The following LDLRAD4 variants were observed in gnomAD, a reference collection of about 807,000 sequenced individuals.
LDLRAD4 encodes the protein low density lipoprotein receptor class A domain containing 4, also known as low-density lipoprotein receptor class A domain-containing protein 4.
Under a neutral mutation model 17.0 loss-of-function variants are expected in LDLRAD4, and 5 were observed. The ratio of observed to expected loss-of-function variants is 0.29; its 90% confidence interval spans 0.15 to 0.62. The LOEUF is 0.62. Ranked by LOEUF, LDLRAD4 falls within the 20% of genes least tolerant of loss-of-function variation. LDLRAD4 has a pLI of 0.84. For synonymous variants in LDLRAD4, 168 were observed against 171.8 expected (o/e 0.98, Z 0.17); for missense variants, 340 against 424.7 (o/e 0.80, Z 1.75).
chr18:13,450,393 A>C (rs1404908945), intron 3 of LDLRAD4, among the ~76,000 whole-genome samples: 2 of 145,832 alleles, frequency 1.4e-5, no homozygotes, highest in African/African-American at 5.0e-5. Context: ...TTGAAGGAGA[A>C]ATAGTTGTTG....
At chr18:13,394,882 A>G (rs1290251579) in intron 2 of LDLRAD4, among the ~76,000 whole-genome samples, 1 of 152,254 alleles carries the variant, frequency 6.6e-6, no homozygotes, top group Non-Finnish European at 1.5e-5. Flanking sequence ...CTCTGGAGAA[A>G]TCAAACATGT....
At chr18:13,624,832 C>T (rs1334163415) in intron 4 of LDLRAD4, among the ~76,000 whole-genome samples, 1 of 152,214 alleles carries the variant, frequency 6.6e-6, no homozygotes, top group Non-Finnish European at 1.5e-5. Context: ...TCCTCTGTCT[C>T]CTGGGCTCCC....
chr18:13,492,649 C>A (rs999776388), intron 3 of LDLRAD4, among the ~76,000 whole-genome samples: 4 of 152,240 alleles, frequency 2.6e-5, no homozygotes, highest in Non-Finnish European at 5.9e-5. Context: ...GCAGGTGTCC[C>A]AGGGCCTTAG....
At chr18:13,431,389 C>T (rs2090324788) in intron 2 of LDLRAD4, among the ~76,000 whole-genome samples, 1 of 152,168 alleles carries the variant, frequency 6.6e-6, no homozygotes, top group Non-Finnish European at 1.5e-5. Context: ...CAAATTCATT[C>T]ATTCATTGGT....
At chr18:13,358,307 G>A (rs576965536) in intron 1 of LDLRAD4, among the ~76,000 whole-genome samples, 4 of 151,854 alleles carry the variant, frequency 2.6e-5, no homozygotes, top group Non-Finnish European at 5.9e-5. Flanking sequence ...TCTGTTTATC[G>A]ATATAGATAT....
chr18:13,429,514 A>G (rs1287933542), intron 2 of LDLRAD4, among the ~76,000 whole-genome samples: 1 of 152,248 alleles, frequency 6.6e-6, no homozygotes, highest in African/African-American at 2.4e-5. Flanking sequence ...GTTACCTGTC[A>G]TTTGAATGTT....
At chr18:13,221,382 T>G (rs2041446315) in intron 1 of LDLRAD4, among the ~76,000 whole-genome samples, 1 of 152,258 alleles carries the variant, frequency 6.6e-6, no homozygotes, top group Non-Finnish European at 1.5e-5. Flanking sequence ...CATTATTTTC[T>G]GATGTCAAAG....
intron 3 of LDLRAD4, among the ~76,000 whole-genome samples, chr18:13,458,077 T>C (rs2092238142): frequency 6.6e-6 from 1 of 152,170 alleles, no homozygotes; most frequent in Non-Finnish European, 1.5e-5. Flanking sequence ...CATTTCTTGC[T>C]GAAAAGTGTG....
At chr18:13,608,563 G>C (rs2095247093) in intron 3 of LDLRAD4, among the ~76,000 whole-genome samples, 2 of 152,208 alleles carry the variant, frequency 1.3e-5, no homozygotes, top group Non-Finnish European at 2.9e-5. Context: ...GGCTGGATGA[G>C]AGCTGAAATC....
At chr18:13,289,014 T>A (rs1165430122) in intron 1 of LDLRAD4, among the ~76,000 whole-genome samples, 1 of 152,212 alleles carries the variant, frequency 6.6e-6, no homozygotes, top group African/African-American at 2.4e-5. Flanking sequence ...GCCCCAAGCC[T>A]TCAGGCATTT....
At chr18:13,410,705 A>G (rs1268446778) in intron 2 of LDLRAD4, among the ~76,000 whole-genome samples, 3 of 152,354 alleles carry the variant, frequency 2.0e-5, no homozygotes, top group East Asian at 3.9e-4. Flanking sequence ...TAGGCTAACA[A>G]TCTAAGAGAT....
intron 3 of LDLRAD4, among the ~76,000 whole-genome samples, chr18:13,587,135 T>C (rs1487275679): frequency 6.6e-6 from 1 of 152,160 alleles, no homozygotes; most frequent in Non-Finnish European, 1.5e-5. Flanking sequence ...CAGAATCTCC[T>C]AGATGGCTCT....
At chr18:13,492,138 G>A (rs577313858) in intron 3 of LDLRAD4, among the ~76,000 whole-genome samples, 3 of 152,110 alleles carry the variant, frequency 2.0e-5, no homozygotes, top group South Asian at 4.2e-4. Context: ...AGACCGATTC[G>A]GGCAAGTCTA....
rs112729642 is a variant in LDLRAD4, at chr18:13,616,781, C to T, written c.182-4336C>T. 4.0e-3 allele frequency among the ~76,000 whole-genome samples: 607 copies of T among 152,356 alleles called. 1 individual carries two copies. Among genetic ancestry groups the T allele is most frequent in the African/African-American group, 0.014 (581 of 41,592 alleles). On this transcript the variant is annotated intron_variant, in intron 3 of 5. Coordinates refer to ENST00000359446, the Ensembl canonical transcript of LDLRAD4. ...CCTTCATGGCTCAGGCCTCATCAGG[C>T]TGCCGCCACCCCAGGGCACCCCACG...
chr18:13,628,463 C>T (rs1427622265), intron 4 of LDLRAD4, among the ~76,000 whole-genome samples: 1 of 152,238 alleles, frequency 6.6e-6, no homozygotes, highest in African/African-American at 2.4e-5. Context: ...TTTCCAAGAG[C>T]TTAGGGTCCG....
intron 1 of LDLRAD4, among the ~76,000 whole-genome samples, chr18:13,348,227 T>A (rs1288333594): frequency 2.0e-5 from 3 of 152,202 alleles, no homozygotes; most frequent in Admixed American, 2.0e-4. Context: ...TCTTTGATGA[T>A]GGTGACATAC....
chr18:13,486,173 T>C (rs1230449524), intron 3 of LDLRAD4, among the ~76,000 whole-genome samples: 1 of 152,218 alleles, frequency 6.6e-6, no homozygotes, highest in Non-Finnish European at 1.5e-5. Context: ...ACATTAATCA[T>C]GTTGGGCTGC....
At chr18:13,283,631 A>G (rs1188465053) in intron 1 of LDLRAD4, among the ~76,000 whole-genome samples, 1 of 152,192 alleles carries the variant, frequency 6.6e-6, no homozygotes, top group Non-Finnish European at 1.5e-5. Context: ...GTCTCTAGGA[A>G]GTTTCAAACT....
chr18:13,521,124 A>G (rs2093946846), intron 3 of LDLRAD4: 1 of 152,202 alleles, frequency 6.6e-6, no homozygotes, highest in African/African-American at 2.4e-5. Context: ...AAAAAGACCC[A>G]TTAGCAGCTT....
Sources: allele counts gnomAD v4.1 joint callset (sites outside exome capture counted in the v4.1 genomes callset), GRCh38; gene constraint gnomAD v4.1.1; transcripts MANE v1.5; gene names NCBI Gene and HGNC (gene_info 2026-07-23, HGNC 2026-07-21).